DCDC1: variants seen among roughly 807,000 people sequenced by gnomAD.
The protein encoded by DCDC1 is doublecortin domain containing 1, also known as doublecortin domain-containing protein 1.
DCDC1 carries 200 observed loss-of-function variants against 178.3 expected under a neutral mutation model. The observed-to-expected ratio is 1.12, with a 90% CI of 1.00 to 1.26. DCDC1 has a LOEUF of 1.26. Among genes scored for constraint, DCDC1 ranks in the 50% most tolerant of loss-of-function variants. The pLI is 0.00. For synonymous variants in DCDC1, 690 were observed against 604.8 expected (o/e 1.14, Z -2.07); for missense variants, 1,983 against 1,749.2 (o/e 1.13, Z -2.38).
chr11:31,204,448 C>T (rs1591394205), intron 9 of DCDC1, among the ~76,000 whole-genome samples: 2 of 151,232 alleles, frequency 1.3e-5, no homozygotes, highest in South Asian at 4.2e-4. Flanking sequence ...AAGGGATATA[C>T]ATTCCATATT....
At chr11:31,006,141 T>C (rs183513944) in intron 20 of DCDC1, among the ~76,000 whole-genome samples, 6 of 152,190 alleles carry the variant, frequency 3.9e-5, no homozygotes, top group Non-Finnish European at 5.9e-5. Context: ...TTTTGTCCTC[T>C]TCTTCTTCTC....
At position 31,235,266 on chromosome 11, in the gene DCDC1, A is replaced by G. The variant is rs564988744; in HGVS notation, c.1221+6184T>C. 1.6e-4 allele frequency among the ~76,000 whole-genome samples: 24 copies of G among 152,180 alleles called. No homozygotes were observed. In the East Asian group the frequency reaches 4.6e-3, roughly 29 times the overall value. On this transcript the variant is annotated intron_variant, in intron 9 of 38. Transcript: ENST00000684477. ...TCATTCACACACAGACATAAAAAGCAAATACATCAACAGTGTATTAGAAAA... is the reference window on the plus strand; with the variant it reads ...TCATTCACACACAGACATAAAAAGCGAATACATCAACAGTGTATTAGAAAA...
intron 20 of DCDC1, among the ~76,000 whole-genome samples, chr11:30,961,886 A>T (rs910021821): frequency 6.6e-6 from 1 of 151,986 alleles, no homozygotes; most frequent in Non-Finnish European, 1.5e-5. Context: ...GGGTTCTAGT[A>T]CTCTGGACAG....
intron 9 of DCDC1, among the ~76,000 whole-genome samples, chr11:31,156,372 A>C (rs1031278575): frequency 3.7e-4 from 56 of 152,174 alleles, no homozygotes; most frequent in African/African-American, 1.3e-3. Context: ...ACACGCGGCC[A>C]GTCAGATCTG....
intron 20 of DCDC1, among the ~76,000 whole-genome samples, chr11:31,033,294 A>G (rs947811831): frequency 1.6e-4 from 24 of 152,192 alleles, no homozygotes; most frequent in African/African-American, 5.5e-4. Context: ...ACACACATAC[A>G]CACACACATA....
intron 9 of DCDC1, among the ~76,000 whole-genome samples, chr11:31,139,141 A>G (rs1963517264): frequency 6.6e-6 from 1 of 152,120 alleles, no homozygotes; most frequent in Admixed American, 6.6e-5. Flanking sequence ...ACGTATATAC[A>G]TATCTATTTC....
intron 9 of DCDC1, among the ~76,000 whole-genome samples, chr11:31,203,331 AG>A (rs1971511166): frequency 6.6e-6 from 1 of 152,220 alleles, no homozygotes; most frequent in African/African-American, 2.4e-5. Flanking sequence ...TAGTGAGAAA[AG>A]AAAAATATAG....
Position 30,963,971 on chromosome 11 carries a change from C to T in DCDC1, c.2592-11403G>A, listed in dbSNP as rs542022823. 5.3e-5 allele frequency among the ~76,000 whole-genome samples: 8 copies of T among 152,162 alleles called. No individual in the cohort carries two copies. The South Asian group carries it at 1.5e-3, about 28-fold the overall frequency. ...ATTCTCATTGCTGTTTTCGTAAATT[C>T]TTGTCCTGTTTTTCCTTCTGATTTT... On this transcript the variant is annotated intron_variant, in intron 20 of 38. Coordinates refer to ENST00000684477, the MANE Select transcript of DCDC1 (RefSeq NM_001387274.1).
At chr11:30,894,533 T>C in intron 34 of DCDC1, 149 bp from the exon 35 acceptor site, 2 of 1,112,884 alleles carry the variant, frequency 1.8e-6, no homozygotes, top group African/African-American at 3.2e-5. Flanking sequence ...ATGCCTAAGG[T>C]AATAATATCT....
In DCDC1 at chr11:31,298,827, C is replaced by A. The variant is rs75839619; in HGVS notation, c.754+6788G>T. ...TACCAAGTAAAAAGAATGCTGCCTTCTTTTACTTCTAGAATAAAAAGCAGC... is the reference window on the plus strand; with the variant it reads ...TACCAAGTAAAAAGAATGCTGCCTTATTTTACTTCTAGAATAAAAAGCAGC... On this transcript the variant is annotated intron_variant, in intron 6 of 38. Coordinates refer to ENST00000684477, the MANE Select transcript of DCDC1 (RefSeq NM_001387274.1). 5.0e-3 allele frequency among the ~76,000 whole-genome samples: 755 copies of A among 152,238 alleles called. 7 individuals are homozygous for A. Among genetic ancestry groups the A allele is most frequent in the African/African-American group, 0.015 (607 of 41,552 alleles).
chr11:31,057,782 G>A (rs930224399), intron 20 of DCDC1, among the ~76,000 whole-genome samples: 7 of 152,084 alleles, frequency 4.6e-5, no homozygotes, highest in African/African-American at 1.7e-4. Context: ...TTTCACTAAG[G>A]GAATGAGTAA....
chr11:30,994,443 G>A (rs1312726430), intron 20 of DCDC1, among the ~76,000 whole-genome samples: 9 of 150,806 alleles, frequency 6.0e-5, no homozygotes, highest in South Asian at 4.2e-4. Flanking sequence ...AGGTACCCAC[G>A]ACCATGCCAG....
intron 9 of DCDC1, among the ~76,000 whole-genome samples, chr11:31,226,290 T>A (rs1254531259): frequency 4.0e-5 from 6 of 150,258 alleles, no homozygotes; most frequent in South Asian, 2.1e-4. Flanking sequence ...GGAAAAAAAA[T>A]AAAATAAAAT....
chr11:30,923,915 G>A (rs1946428013), intron 23 of DCDC1, among the ~76,000 whole-genome samples: 1 of 151,832 alleles, frequency 6.6e-6, no homozygotes, highest in Non-Finnish European at 1.5e-5. Flanking sequence ...CTGCACCCAG[G>A]CAAAAATTTC....
intron 21 of DCDC1, among the ~76,000 whole-genome samples, chr11:30,948,950 G>A (rs902007924): frequency 1.3e-5 from 2 of 152,150 alleles, no homozygotes; most frequent in African/African-American, 4.8e-5. Flanking sequence ...CATGGGAAAA[G>A]ACTTCATGAC....
At chr11:31,035,467 C>T (rs1333670018) in intron 20 of DCDC1, among the ~76,000 whole-genome samples, 1 of 152,198 alleles carries the variant, frequency 6.6e-6, no homozygotes, top group Non-Finnish European at 1.5e-5. Flanking sequence ...GAAAACTAAT[C>T]AGTAACATAT....
At chr11:31,083,548 A>T (rs1413871032) in intron 17 of DCDC1, among the ~76,000 whole-genome samples, 2 of 152,194 alleles carry the variant, frequency 1.3e-5, no homozygotes, top group Non-Finnish European at 2.9e-5. Context: ...TCTAAAGGGG[A>T]CATCACCACT....
At position 30,881,648 on chromosome 11, in the gene DCDC1, G is replaced by A. The variant is rs78503682; in HGVS notation, c.5083-340C>T. On this transcript the variant is annotated intron_variant, in intron 36 of 38. Transcript: ENST00000684477. Reference sequence around the variant, plus strand: ...AATTAGCTAAAAACAATTTTTTTTAGTGACCAAGGAACTTGAATGACAAAA... The same window carrying A: ...AATTAGCTAAAAACAATTTTTTTTAATGACCAAGGAACTTGAATGACAAAA... Among the ~76,000 whole-genome samples the A allele has an allele frequency of 3.3e-3, 501 of 152,184 alleles. 1 individual carries two copies. Among genetic ancestry groups the A allele is most frequent in the Non-Finnish European group, 5.7e-3 (389 of 68,006 alleles).
intron 1 of DCDC1, among the ~76,000 whole-genome samples, chr11:31,352,015 A>C (rs1951100083): frequency 6.6e-6 from 1 of 152,208 alleles, no homozygotes; most frequent in South Asian, 2.1e-4. Context: ...TAAGCAAAAC[A>C]ACAGAAAAGT....
Sources: allele counts gnomAD v4.1 joint callset (sites outside exome capture counted in the v4.1 genomes callset), GRCh38; gene constraint gnomAD v4.1.1; transcripts MANE v1.5; gene names NCBI Gene and HGNC (gene_info 2026-07-23, HGNC 2026-07-21).